DACH2: variants seen among roughly 807,000 people sequenced by gnomAD.
DACH2 encodes the protein dachshund homolog 2.
Under a neutral mutation model 35.8 loss-of-function variants are expected in DACH2, and 17 were observed. The observed-to-expected ratio is 0.48, with a 90% CI of 0.33 to 0.71. The LOEUF (loss-of-function observed/expected upper bound fraction) is 0.71, where lower values mean the gene tolerates loss of function less well. DACH2 is among the 30% of genes least tolerant of loss of function. The pLI is 0.02. For missense variants in DACH2, 469 were observed against 472.7 expected (o/e 0.99, Z 0.07); for synonymous variants, 195 against 177.3 (o/e 1.10, Z -0.79).
At chrX:86,292,315 TC>T (rs1406633059) in intron 1 of DACH2, among the ~76,000 whole-genome samples, 3 of 99,760 alleles carry the variant, frequency 3.0e-5, no homozygotes, top group African/African-American at 3.8e-5. Context: ...TTCTTCTCTC[TC>T]TTTTTCTTTA....
chrX:86,756,307 A>C (rs1403292905), intron 7 of DACH2, among the ~76,000 whole-genome samples: 1 of 111,191 alleles, frequency 9.0e-6, no homozygotes, highest in Non-Finnish European at 1.9e-5. Context: ...ATTGCATTGA[A>C]TCTGTAGATT....
At chrX:86,563,814 A>G (rs1163576829) in intron 3 of DACH2, among the ~76,000 whole-genome samples, 2 of 111,157 alleles carry the variant, frequency 1.8e-5, no homozygotes, top group African/African-American at 6.5e-5. Context: ...AACACCATAC[A>G]AACATAATGT....
Position 86,282,774 on chromosome X carries a change from CT to C in DACH2, c.489-94029del, listed in dbSNP as rs746321715. Among the ~76,000 whole-genome samples, 38 of 37,715 alleles carry C rather than the reference CT, an allele frequency of 1.0e-3. 3 individuals carry two copies. The highest frequency in any genetic ancestry group is 0.021 in the Middle Eastern group (2 of 97). 32.8% of individuals were successfully genotyped at this position (37,715 alleles called of 115,157 possible). ...GGGCAAATGCTATGAACAGACACTT[CT>C]TTTTTTTTTTTTTTTTTTTTGAGAC... On this transcript the variant is annotated intron_variant, in intron 1 of 11. Coordinates refer to ENST00000373125, the MANE Select transcript of DACH2 (RefSeq NM_053281.3).
intron 4 of DACH2, among the ~76,000 whole-genome samples, chrX:86,682,641 C>G (rs986121438): frequency 6.3e-5 from 7 of 111,419 alleles, no homozygotes; most frequent in African/African-American, 2.3e-4. Flanking sequence ...GTGATAAAAT[C>G]CATTTATGAA....
intron 1 of DACH2, among the ~76,000 whole-genome samples, chrX:86,334,480 G>A (rs1433903001): frequency 8.9e-6 from 1 of 111,798 alleles, no homozygotes; most frequent in Non-Finnish European, 1.9e-5. Context: ...ATCTCATTGT[G>A]TTTTGATTTG....
intron 7 of DACH2, among the ~76,000 whole-genome samples, chrX:86,750,281 G>A (rs1414317617): frequency 2.7e-5 from 3 of 111,282 alleles, no homozygotes; most frequent in Non-Finnish European, 5.7e-5. Context: ...TGCTTAGTTT[G>A]TTTTGTGTAT....
intron 11 of DACH2, among the ~76,000 whole-genome samples, chrX:86,820,017 A>C (rs1421167711): frequency 8.9e-6 from 1 of 111,841 alleles, no homozygotes; most frequent in Non-Finnish European, 1.9e-5. Flanking sequence ...AATAGGTAAA[A>C]CAAAAACAGA....
chrX:86,481,665 G>T (rs950985221), intron 2 of DACH2: 16 of 112,096 alleles, frequency 1.4e-4, no homozygotes, highest in Non-Finnish European at 1.9e-4. Flanking sequence ...GCAGATGACT[G>T]CTTCATACGA....
intron 1 of DACH2, among the ~76,000 whole-genome samples, chrX:86,258,202 T>C (rs1351760245): frequency 8.9e-6 from 1 of 112,097 alleles, no homozygotes; most frequent in Non-Finnish European, 1.9e-5. Flanking sequence ...CAATTCTTTT[T>C]AAATTTTTTA....
chrX:86,300,732 A>T (rs1320649020), intron 1 of DACH2, among the ~76,000 whole-genome samples: 1 of 112,127 alleles, frequency 8.9e-6, no homozygotes, highest in Admixed American at 9.5e-5. Flanking sequence ...AATAAAATTC[A>T]GGTGGGTCCT....
intron 1 of DACH2, among the ~76,000 whole-genome samples, chrX:86,274,321 A>T (rs2033867351): frequency 9.0e-6 from 1 of 110,937 alleles, no homozygotes; most frequent in Non-Finnish European, 1.9e-5. Context: ...CTTTATGGAA[A>T]TGATTGCAAA....
chrX:86,267,791 T>A (rs764605509), intron 1 of DACH2, among the ~76,000 whole-genome samples: 2 of 112,360 alleles, frequency 1.8e-5, no homozygotes, highest in Non-Finnish European at 3.8e-5. Context: ...CATTCCTGGC[T>A]TAGGCTTAGT....
intron 2 of DACH2, among the ~76,000 whole-genome samples, chrX:86,419,496 C>T (rs1312212648): frequency 9.0e-6 from 1 of 111,335 alleles, no homozygotes; most frequent in African/African-American, 3.3e-5. Flanking sequence ...CATCAGATCT[C>T]GTGAGACTCA....
At chrX:86,818,411 C>T (rs961942774) in intron 11 of DACH2, among the ~76,000 whole-genome samples, 31 of 111,156 alleles carry the variant, frequency 2.8e-4, no homozygotes, top group Non-Finnish European at 5.3e-4. Flanking sequence ...AAATCCCAAT[C>T]ATTTTGCCTA....
intron 3 of DACH2, among the ~76,000 whole-genome samples, chrX:86,574,660 A>G (rs1276449452): frequency 8.9e-6 from 1 of 111,951 alleles, no homozygotes; most frequent in Non-Finnish European, 1.9e-5. Context: ...AAATATTAAA[A>G]TAAAGGAATG....
At chrX:86,762,598 A>G (rs1290598568) in intron 7 of DACH2, among the ~76,000 whole-genome samples, 1 of 111,901 alleles carries the variant, frequency 8.9e-6, no homozygotes, top group Non-Finnish European at 1.9e-5. Context: ...GCATGTTGCT[A>G]ATTCAGAGTA....
intron 4 of DACH2, among the ~76,000 whole-genome samples, chrX:86,658,596 G>GT (rs2040570480): frequency 9.0e-6 from 1 of 111,089 alleles, no homozygotes; most frequent in African/African-American, 3.3e-5. Flanking sequence ...GAGAAATTCT[G>GT]TTTTTTATTG....
At chrX:86,412,406 C>T (rs1162164303) in intron 2 of DACH2, among the ~76,000 whole-genome samples, 2 of 111,565 alleles carry the variant, frequency 1.8e-5, no homozygotes, top group Non-Finnish European at 3.8e-5. Context: ...GCATACATGG[C>T]CTTCTGGAGA....
intron 2 of DACH2, among the ~76,000 whole-genome samples, chrX:86,464,592 TG>T (rs779248274): frequency 9.0e-6 from 1 of 110,885 alleles, no homozygotes; most frequent in African/African-American, 3.3e-5. Context: ...ACCTAGATGA[TG>T]GGTTGATAGG....
Sources: allele counts gnomAD v4.1 joint callset (sites outside exome capture counted in the v4.1 genomes callset), GRCh38; gene constraint gnomAD v4.1.1; transcripts MANE v1.5; gene names NCBI Gene and HGNC (gene_info 2026-07-23, HGNC 2026-07-21).